DDHD2: variants seen among roughly 807,000 people sequenced by gnomAD.
DDHD2 encodes DDHD domain containing 2.
Under a neutral mutation model 91.2 loss-of-function variants are expected in DDHD2, and 62 were observed. The observed-to-expected ratio is 0.68, with a 90% CI of 0.55 to 0.84. The LOEUF is 0.84. DDHD2 is among the 40% of genes least tolerant of loss of function. The pLI, the probability that DDHD2 is intolerant of heterozygous loss-of-function variation, is 0.00. For synonymous variants in DDHD2, 271 were observed against 293.9 expected (o/e 0.92, Z 0.80); for missense variants, 740 against 846.9 (o/e 0.87, Z 1.57).
intron 6 of DDHD2, among the ~76,000 whole-genome samples, chr8:38,240,631 T>G (rs1805179798): frequency 6.6e-6 from 1 of 152,246 alleles, no homozygotes; most frequent in Non-Finnish European, 1.5e-5. Context: ...TGGTCCTATT[T>G]CTAACTATTT....
At chr8:38,269,212 T>C (rs752466070) in intron 1 of DDHD2, 28 of 1,495,410 alleles carry the variant, frequency 1.9e-5, no homozygotes, top group Admixed American at 6.5e-5. Context: ...GGCCGCGAGC[T>C]CCGAGCGACG....
chr8:38,253,794 G>A (rs1806297655), intron 16 of DDHD2, 76 bp downstream of exon 16: 1 of 1,457,774 alleles, frequency 6.9e-7, no homozygotes, highest in South Asian at 1.2e-5. Context: ...GAAAAAGGAG[G>A]ATAGGCCAGG....
chr8:38,269,064 C>T, intron 1 of DDHD2: 1 of 1,524,952 alleles, frequency 6.6e-7, no homozygotes, highest in Non-Finnish European at 8.8e-7. Context: ...GACCCGCCGC[C>T]CCGTGCCGCC....
chr8:38,250,285 A>C (rs1806013716), intron 11 of DDHD2: 1 of 151,656 alleles, frequency 6.6e-6, no homozygotes, highest in Non-Finnish European at 1.5e-5. Flanking sequence ...TTTTCCTGGA[A>C]ATGAAATCTC....
At chr8:38,248,790 C>G (rs1805860700) in intron 10 of DDHD2, among the ~76,000 whole-genome samples, 1 of 151,466 alleles carries the variant, frequency 6.6e-6, no homozygotes, top group Admixed American at 6.6e-5. Context: ...ACTAAAAATA[C>G]AAAAATTAGC....
At chr8:38,254,896 T>A (rs904373504) in intron 16 of DDHD2, among the ~76,000 whole-genome samples, 2 of 145,788 alleles carry the variant, frequency 1.4e-5, no homozygotes, top group African/African-American at 2.5e-5. Flanking sequence ...TGAAAAAAAA[T>A]AGTATAAAAT....
At chr8:38,263,821 G>T, downstream of DDHD2, 2 of 984,884 alleles carry the variant, frequency 2.0e-6, no homozygotes, top group Non-Finnish European at 1.2e-6. Context: ...GCTTCTTTGT[G>T]ACAAGATCCT....
rs1274270855 is a variant in DDHD2 at position 38,261,164 on chromosome 8, GTGT to G, written c.*596_*598del. ...AAGACTAGAATGTAGCTTTAAAAAA[GTGT>G]TGTTTACTCTCTTAGAACTGACAGA... On this transcript the variant is annotated 3_prime_UTR_variant, in exon 18 of 18. Transcript: ENST00000397166. The G allele has an allele frequency of 6.6e-6, 1 of 152,184 alleles. No individual in the cohort carries two copies. The highest frequency in any genetic ancestry group is 1.5e-5 in the Non-Finnish European group (1 of 68,034). The allele number at this position is 152,184 out of a possible 1,614,324, so 9.4% of individuals were successfully genotyped here.
At chr8:38,267,643 G>A, downstream of DDHD2, 1 of 618,272 alleles carries the variant, frequency 1.6e-6, no homozygotes, top group East Asian at 2.8e-5. Flanking sequence ...GCAGCTTCAG[G>A]AGGTGCTCAA....
intron 17 of DDHD2, 98 bp downstream of exon 17, chr8:38,260,245 T>C: frequency 3.2e-6 from 2 of 622,014 alleles, no homozygotes; most frequent in Non-Finnish European, 5.5e-6. Flanking sequence ...ATACTAGCTG[T>C]TGCCTGTCAC....
At chr8:38,263,761 AG>A (rs1807217893), downstream of DDHD2, 1 of 985,308 alleles carries the variant, frequency 1.0e-6, no homozygotes, top group South Asian at 4.7e-5. Flanking sequence ...ATGGAAATTA[AG>A]TTTTGATAAT....
At chr8:38,235,993 A>G (rs992651150) in intron 3 of DDHD2, among the ~76,000 whole-genome samples, 1 of 152,066 alleles carries the variant, frequency 6.6e-6, no homozygotes, top group Non-Finnish European at 1.5e-5. Context: ...ATTTTTCTTT[A>G]AATTGGAGTA....
Position 38,252,223 on chromosome 8 carries a change from T to TA in DDHD2, c.1558dup (p.Arg520LysfsTer3), listed in dbSNP as rs773597830. On this transcript the variant is annotated frameshift_variant, in exon 13 of 18. Transcript: ENST00000397166. LOFTEE classifies it high-confidence loss of function. ...GGAATGTTCCTTACTGTCCGAGGAC[T>TA]AAAAAGAATTGATCCCAACTACAGA... 1 of 1,614,132 alleles carries TA rather than the reference T, an allele frequency of 6.2e-7. No individual in the cohort carries two copies. Among genetic ancestry groups the TA allele is most frequent in the Non-Finnish European group, 8.5e-7 (1 of 1,180,014 alleles).
chr8:38,265,946 G>A (rs1328870991), downstream of DDHD2, among the ~76,000 whole-genome samples: 1 of 152,098 alleles, frequency 6.6e-6, no homozygotes, highest in African/African-American at 2.4e-5. Flanking sequence ...GAAAAATTAG[G>A]ATGTTTATCT....
intron 13 of DDHD2, 93 bp downstream of exon 13, chr8:38,252,380 T>C (rs577632557): frequency 3.3e-5 from 46 of 1,392,992 alleles, no homozygotes; most frequent in Non-Finnish European, 4.4e-5. Context: ...TTTTTTTTCC[T>C]ATTCCATTGT....
At chr8:38,238,329 G>A in intron 5 of DDHD2, 120 bp downstream of exon 5, 1 of 1,480,752 alleles carries the variant, frequency 6.8e-7, no homozygotes, top group Non-Finnish European at 9.0e-7. Context: ...AATCATATGG[G>A]TTTATTCCAA....
At position 38,249,760 on chromosome 8, in the gene DDHD2, G is replaced by T; in HGVS notation, c.1301G>T (p.Arg434Ile). Residue 434 changes from arginine (R) to isoleucine (I), a missense_variant, in exon 11 of 18, where the codon AGA becomes ATA. Physicochemically the swap from Arg to Ile is moderately conservative, Grantham distance 97. Coordinates refer to ENST00000397166, the MANE Select transcript of DDHD2 (RefSeq NM_015214.3). ...LQEIGIPLGP[R>I]KKILNYFSTR... ...GAAATAGGAATTCCTTTAGGACCAA[G>T]AAAGAAGATATTAAACTATTTCAGC... is the stretch of plus-strand genomic sequence containing the variant. 6.2e-7 allele frequency: 1 copy of T among 1,612,282 alleles called. No individual in the cohort carries two copies. Among genetic ancestry groups the T allele is most frequent in the Non-Finnish European group, 8.5e-7 (1 of 1,178,846 alleles).
rs143549962 is a variant in DDHD2, at chr8:38,233,047, C to T, written c.53C>T (p.Pro18Leu). ...CAGTTGTCCCAGTCAGATCCATCTC[C>T]GTCACCAAACTCATGTAGTTCCTTT... ...QEQLSQSDPS[P>L]SPNSCSSFEL... is the part of the protein sequence containing the mutation. The change falls in exon 2 of 18, where the codon CCG (proline) becomes CTG (leucine). Residue 18 changes from proline to leucine, a missense_variant. Coordinates refer to ENST00000397166, the MANE Select transcript of DDHD2 (RefSeq NM_015214.3). 10 of 1,614,072 alleles carry T rather than the reference C, an allele frequency of 6.2e-6. No homozygotes were observed. Among genetic ancestry groups the T allele is most frequent in the African/African-American group, 4.0e-5 (3 of 74,928 alleles).
chr8:38,232,765 A>G (rs1020202309), intron 1 of DDHD2, among the ~76,000 whole-genome samples: 2 of 152,148 alleles, frequency 1.3e-5, no homozygotes, highest in African/African-American at 4.8e-5. Flanking sequence ...TTACTGAGAG[A>G]ATTGAGAACT....
Sources: gnomAD v4.1 joint callset for allele counts (sites outside exome capture counted in the v4.1 genomes callset) on GRCh38, gnomAD v4.1.1 for gene constraint, MANE v1.5 for transcripts, NCBI Gene and HGNC (gene_info 2026-07-23, HGNC 2026-07-21) for gene names.